The following CUBN variants were observed in gnomAD, a reference collection of about 807,000 sequenced individuals.
The protein encoded by CUBN is 460 kDa receptor.
A neutral mutation model predicts 405.3 loss-of-function variants in CUBN; 282 were observed. The ratio of observed to expected loss-of-function variants is 0.70; its 90% CI spans 0.63 to 0.77. The LOEUF (loss-of-function observed/expected upper bound fraction) is 0.77, where lower values mean the gene tolerates loss of function less well. CUBN is among the 30% of genes least tolerant of loss of function. The pLI, the probability that CUBN is intolerant of heterozygous loss-of-function variation, is 0.00. For missense variants in CUBN, 4,514 were observed against 4,475.2 expected, an observed-to-expected ratio of 1.01 and a Z score of -0.25; for synonymous variants, 1,684 against 1,617.0, an observed-to-expected ratio of 1.04 and a Z score of -0.99.
intron 56 of CUBN, among the ~76,000 whole-genome samples, chr10:16,887,639 T>C (rs562310684): frequency 6.6e-6 from 1 of 152,320 alleles, no homozygotes; most frequent in Admixed American, 6.5e-5. Flanking sequence ...TGTAAATTAG[T>C]GCAGCCATTA....
At chr10:17,006,834 GA>G (rs1834041318) in intron 28 of CUBN, among the ~76,000 whole-genome samples, 1 of 152,066 alleles carries the variant, frequency 6.6e-6, no homozygotes. Flanking sequence ...TAGCTAAAAG[GA>G]AGATAAAATG....
At chr10:16,835,612 C>T (rs1227647121) in intron 63 of CUBN, among the ~76,000 whole-genome samples, 4 of 146,398 alleles carry the variant, frequency 2.7e-5, no homozygotes, top group African/African-American at 2.5e-5. Context: ...CGTTATTTAC[C>T]TTTTTTTTTT....
chr10:16,885,273 A>T (rs1840779073), intron 56 of CUBN, among the ~76,000 whole-genome samples: 1 of 152,222 alleles, frequency 6.6e-6, no homozygotes, highest in South Asian at 2.1e-4. Flanking sequence ...AGCAGTTTGA[A>T]AATGCTGAAC....
intron 48 of CUBN, among the ~76,000 whole-genome samples, chr10:16,912,803 G>A (rs1841770342): frequency 6.6e-6 from 1 of 152,180 alleles, no homozygotes; most frequent in Admixed American, 6.5e-5. Context: ...TGTCAGCCAG[G>A]TGGGCCACAG....
chr10:16,991,441 C>G (rs1417217632), intron 28 of CUBN, among the ~76,000 whole-genome samples: 3 of 152,150 alleles, frequency 2.0e-5, no homozygotes. Context: ...CACAGGCTCT[C>G]AAATCGTTTG....
At position 16,835,137 on chromosome 10, in the gene CUBN, A is replaced by C. The variant is rs773774080; in HGVS notation, c.10239T>G (p.Asp3413Glu). ...FGNLRSPGWPDNYDNDKDCTV... is the reference protein window; with the variant it reads ...FGNLRSPGWPENYDNDKDCTV... ...TGCAATCCTTGTCATTGTCGTAGTT[A>C]TCTGGCCATCCAGGGCTTCTCAGGT... Residue 3413 changes from aspartate (D) to glutamate (E), a missense_variant, in exon 64 of 67, where the codon GAT becomes GAG. Physicochemically the swap from Asp to Glu is conservative, Grantham distance 45. Coordinates refer to ENST00000377833, the MANE Select transcript of CUBN (RefSeq NM_001081.4). 2 of 1,614,198 alleles carry C rather than the reference A, an allele frequency of 1.2e-6. No homozygotes were observed. The highest frequency in any genetic ancestry group is 1.7e-6 in the Non-Finnish European group (2 of 1,180,010).
rs1332465752 is a variant in CUBN, at chr10:16,909,601, G to C, written c.7534-1922C>G. ...ACCATAAGGTTAATGGGACATGTCG[G>C]AAACTGTGATCAATGGCTGTTATCC... On this transcript the variant is annotated intron_variant, in intron 48 of 66. Coordinates refer to ENST00000377833, the MANE Select transcript of CUBN (RefSeq NM_001081.4). Among the ~76,000 whole-genome samples, 5 of 152,228 alleles carry C rather than the reference G, an allele frequency of 3.3e-5. No individual in the cohort carries two copies. In the East Asian group the frequency reaches 9.6e-4, roughly 29 times the overall value.
chr10:16,909,512 AT>A (rs1238925550), intron 48 of CUBN, among the ~76,000 whole-genome samples: 2 of 152,200 alleles, frequency 1.3e-5, no homozygotes, highest in African/African-American at 4.8e-5. Flanking sequence ...GAGGAAAAAT[AT>A]TTCTATAATG....
chr10:17,043,708 A>G (rs1835060873), intron 26 of CUBN, 119 bp downstream of exon 26: 5 of 1,403,334 alleles, frequency 3.6e-6, no homozygotes, highest in Non-Finnish European at 5.0e-6. Flanking sequence ...TTGAAGGCCC[A>G]CTCTAGGCAC....
intron 6 of CUBN, among the ~76,000 whole-genome samples, chr10:17,121,385 T>C (rs1312885828): frequency 6.6e-6 from 1 of 152,084 alleles, no homozygotes; most frequent in Non-Finnish European, 1.5e-5. Context: ...GATGAGTTCA[T>C]GTCCTTTGTA....
intron 13 of CUBN, 119 bp from the exon 14 acceptor site, chr10:17,100,358 C>T (rs1836469144): frequency 1.4e-6 from 1 of 713,144 alleles, no homozygotes; most frequent in African/African-American, 1.8e-5. Flanking sequence ...CCTATCATTC[C>T]CTAATTATCC....
Position 17,056,525 on chromosome 10 carries a change from C to T in CUBN, c.3140-8922G>A, listed in dbSNP as rs191818191. Reference sequence around the variant, plus strand: ...TCGGGAGGCTGAGGCAAGAGAATGGCGTGAACCCGGGAGTCGGAGCTTGCA... The same window carrying T: ...TCGGGAGGCTGAGGCAAGAGAATGGTGTGAACCCGGGAGTCGGAGCTTGCA... On this transcript the variant is annotated intron_variant, in intron 22 of 66. Coordinates refer to ENST00000377833, the MANE Select transcript of CUBN (RefSeq NM_001081.4). Among the ~76,000 whole-genome samples, 205 of 151,992 alleles carry T rather than the reference C, an allele frequency of 1.3e-3. 1 individual carries two copies. The highest frequency in any genetic ancestry group is 3.8e-3 in the African/African-American group (156 of 41,492).
chr10:16,907,732 T>A, intron 48 of CUBN, 53 bp from the exon 49 acceptor site: 1 of 1,583,918 alleles, frequency 6.3e-7, no homozygotes, highest in Non-Finnish European at 8.7e-7. Context: ...TACTGCATAT[T>A]TCCTAGGAGG....
chr10:17,059,217 T>G (rs1187960871), intron 22 of CUBN, among the ~76,000 whole-genome samples: 1 of 152,118 alleles, frequency 6.6e-6, no homozygotes, highest in Non-Finnish European at 1.5e-5. Flanking sequence ...ACTCACAATG[T>G]ATCTTTGCCT....
chr10:17,018,641 T>C (rs1336699664), intron 28 of CUBN, among the ~76,000 whole-genome samples: 3 of 152,086 alleles, frequency 2.0e-5, no homozygotes, highest in African/African-American at 7.2e-5. Context: ...CTGGCTAGGG[T>C]GGCCAGCTTT....
intron 8 of CUBN, among the ~76,000 whole-genome samples, chr10:17,112,822 T>C (rs1836802062): frequency 6.6e-6 from 1 of 152,184 alleles, no homozygotes. Flanking sequence ...TGTAAAGCTA[T>C]GCGATCTTGG....
chr10:16,915,104 C>T lies in CUBN; in HGVS notation c.7279G>A (p.Val2427Met), dbSNP rs771979644. ...GAGCCGTCTGTGACAAACCTGACCA[C>T]AGCAGTATTGCTAGAAGTGTCTATG... The part of the protein sequence containing the change: ...DSIDTSSNTA[V>M]VRFVTDGSVT... The change falls in exon 47 of 67, where the codon GTG (valine) becomes ATG (methionine). Residue 2427 changes from valine (V) to methionine (M), a missense_variant. Val to Met is a conservative substitution (Grantham distance 21). Coordinates refer to ENST00000377833, the MANE Select transcript of CUBN (RefSeq NM_001081.4). The T allele has an allele frequency of 3.1e-6, 5 of 1,614,132 alleles. No individual in the cohort carries two copies. The highest frequency in any genetic ancestry group is 3.4e-6 in the Non-Finnish European group (4 of 1,180,002).
At chr10:16,896,931 A>T (rs1211526150) in intron 54 of CUBN, among the ~76,000 whole-genome samples, 1 of 152,114 alleles carries the variant, frequency 6.6e-6, no homozygotes. Flanking sequence ...ATTCTCTGTC[A>T]TCTCCATGCT....
At chr10:16,991,653 TC>T (rs1833592158) in intron 28 of CUBN, among the ~76,000 whole-genome samples, 1 of 150,912 alleles carries the variant, frequency 6.6e-6, no homozygotes, top group Non-Finnish European at 1.5e-5. Flanking sequence ...TTTTAAATAT[TC>T]TTTATTGGTT....
Sources: gnomAD v4.1 joint callset for allele counts (sites outside exome capture counted in the v4.1 genomes callset) on GRCh38, gnomAD v4.1.1 for gene constraint, MANE v1.5 for transcripts, NCBI Gene and HGNC (gene_info 2026-07-23, HGNC 2026-07-21) for gene names.